The following CDH18 variants were observed in gnomAD, a reference collection of about 807,000 sequenced individuals.
CDH18 encodes cadherin 18, also known as cadherin-18.
CDH18 carries 31 observed loss-of-function variants against 67.9 expected under a neutral mutation model. The observed-to-expected ratio is 0.46, with a 90% CI of 0.34 to 0.62. The LOEUF (loss-of-function observed/expected upper bound fraction) is 0.62. Among genes scored for constraint, CDH18 ranks in the 20% least tolerant of loss-of-function variants. The pLI is 0.01. For synonymous variants in CDH18, 362 were observed against 347.2 expected (o/e 1.04, Z -0.48); for missense variants, 890 against 975.5 (o/e 0.91, Z 1.17).
intron 1 of CDH18, among the ~76,000 whole-genome samples, chr5:20,424,343 T>C (rs548080282): frequency 6.6e-6 from 1 of 151,002 alleles, no homozygotes; most frequent in Admixed American, 6.6e-5. Flanking sequence ...AACAGCACCA[T>C]CATATTATCA....
At chr5:20,347,271 C>T (rs1740778759) in intron 1 of CDH18, among the ~76,000 whole-genome samples, 1 of 152,078 alleles carries the variant, frequency 6.6e-6, no homozygotes, top group Non-Finnish European at 1.5e-5. Flanking sequence ...CAGATGGCAC[C>T]CCACATGGAC....
chr5:19,881,479 G>A (rs1214771272), intron 2 of CDH18, among the ~76,000 whole-genome samples: 2 of 149,096 alleles, frequency 1.3e-5, no homozygotes, highest in African/African-American at 4.9e-5. Flanking sequence ...TTATTCAAAC[G>A]CTGACAAATA....
intron 1 of CDH18, among the ~76,000 whole-genome samples, chr5:20,484,395 A>T (rs894824987): frequency 1.3e-5 from 2 of 152,072 alleles, no homozygotes; most frequent in South Asian, 2.1e-4. Context: ...CTAAAAATAG[A>T]GCTACTATAT....
Position 19,483,390 on chromosome 5 carries a change from C to A in CDH18, c.1793G>T (p.Arg598Leu). The change falls in exon 12 of 13, where the codon CGG (arginine) becomes CTG (leucine). Residue 598 changes from arginine (R) to leucine (L), a missense_variant. Coordinates refer to ENST00000382275, the MANE Select transcript of CDH18 (RefSeq NM_004934.5). ...VCACERDGRV[R>L]TCHAEAFLSS... ...CAGGAAGGCTTCTGCATGGCAGGTC[C>A]GCACACGCCCATCTCTCTCGCATGC... The A allele has an allele frequency of 6.2e-7, 1 of 1,614,038 alleles. No individual in the cohort carries two copies. Among genetic ancestry groups the A allele is most frequent in the Non-Finnish European group, 8.5e-7 (1 of 1,179,970 alleles).
chr5:19,707,612 C>T (rs1044600134), intron 5 of CDH18, among the ~76,000 whole-genome samples: 1 of 152,156 alleles, frequency 6.6e-6, no homozygotes, highest in African/African-American at 2.4e-5. Context: ...TTGGGAAAGG[C>T]CACTAGTTGC....
intron 2 of CDH18, among the ~76,000 whole-genome samples, chr5:19,841,368 T>A (rs1782299631): frequency 6.6e-6 from 1 of 152,096 alleles, no homozygotes; most frequent in Admixed American, 6.6e-5. Flanking sequence ...AATCACAGGT[T>A]TTATTTTTTG....
At chr5:20,093,129 T>C (rs1745587255) in intron 2 of CDH18, among the ~76,000 whole-genome samples, 1 of 152,060 alleles carries the variant, frequency 6.6e-6, no homozygotes, top group Non-Finnish European at 1.5e-5. Flanking sequence ...CCCAACAACT[T>C]GGGACGGTGA....
intron 2 of CDH18, among the ~76,000 whole-genome samples, chr5:20,184,203 A>G (rs1005614968): frequency 1.2e-4 from 19 of 152,102 alleles, no homozygotes; most frequent in African/African-American, 4.6e-4. Context: ...GAGGGCTTTA[A>G]TAAATATATT....
chr5:19,949,684 A>C (rs537109811), intron 2 of CDH18, among the ~76,000 whole-genome samples: 1 of 152,268 alleles, frequency 6.6e-6, no homozygotes, highest in South Asian at 2.1e-4. Context: ...ACAATAATTC[A>C]TTTACTTGTC....
intron 1 of CDH18, among the ~76,000 whole-genome samples, chr5:19,984,050 T>TA (rs927932813): frequency 2.6e-5 from 4 of 152,154 alleles, no homozygotes; most frequent in Admixed American, 1.3e-4. Flanking sequence ...ACTGGACTCA[T>TA]AAAAAAATCA....
chr5:20,005,331 T>C (rs1022873958), intron 2 of CDH18, among the ~76,000 whole-genome samples: 1 of 151,500 alleles, frequency 6.6e-6, no homozygotes, highest in Non-Finnish European at 1.5e-5. Context: ...CAATCAAAAA[T>C]AATGGCAAAA....
intron 5 of CDH18, among the ~76,000 whole-genome samples, chr5:19,628,792 A>C (rs1401165841): frequency 6.6e-6 from 1 of 152,174 alleles, no homozygotes; most frequent in Non-Finnish European, 1.5e-5. Context: ...TAAAGATACT[A>C]CTTAAAGCCC....
intron 5 of CDH18, among the ~76,000 whole-genome samples, chr5:19,616,328 T>C (rs1313697973): frequency 1.3e-5 from 2 of 151,912 alleles, no homozygotes; most frequent in Non-Finnish European, 2.9e-5. Flanking sequence ...ACCCAAATTT[T>C]ATGCACGAAG....
chr5:20,571,431 T>A (rs1758812938), intron 1 of CDH18, among the ~76,000 whole-genome samples: 1 of 152,098 alleles, frequency 6.6e-6, no homozygotes, highest in African/African-American at 2.4e-5. Context: ...ATATATAGCA[T>A]CGGAATTCTC....
rs916060095 is a variant in CDH18 at position 20,487,410 on chromosome 5, ATTTACT to A, written c.-580+88046_-580+88051del. ...AACCTATATATATATAGGTTTCAGG[ATTTACT>A]TTTAATCAGAGAAAAATATAATCGG... On this transcript the variant is annotated intron_variant, in intron 1 of 14. Transcript: ENST00000507958. Among the ~76,000 whole-genome samples, 113 of 149,924 alleles carry A rather than the reference ATTTACT, an allele frequency of 7.5e-4. 1 individual carries two copies. Among genetic ancestry groups the A allele is most frequent in the African/African-American group, 2.5e-3 (101 of 41,092 alleles).
At chr5:20,381,868 G>A (rs1734439212) in intron 1 of CDH18, among the ~76,000 whole-genome samples, 1 of 152,006 alleles carries the variant, frequency 6.6e-6, no homozygotes, top group Non-Finnish European at 1.5e-5. Flanking sequence ...CTAGCAGAAT[G>A]AAATTGTATC....
chr5:19,963,446 G>T (rs1797111725), intron 2 of CDH18, among the ~76,000 whole-genome samples: 1 of 152,024 alleles, frequency 6.6e-6, no homozygotes, highest in African/African-American at 2.4e-5. Context: ...CACTTGTCAT[G>T]GGAGGGATCT....
At chr5:19,988,326 T>TA (rs1377875309), upstream of CDH18, 1 of 154,610 alleles carries the variant, frequency 6.5e-6, no homozygotes, top group Non-Finnish European at 1.4e-5. Flanking sequence ...CTCCTTCCTC[T>TA]TCTCCCTGGC....
At chr5:19,809,018 G>T (rs954372748) in intron 3 of CDH18, among the ~76,000 whole-genome samples, 5 of 151,714 alleles carry the variant, frequency 3.3e-5, no homozygotes, top group African/African-American at 1.2e-4. Context: ...ATCCAGAAAG[G>T]ATATTAAAAA....
Sources: allele counts gnomAD v4.1 joint callset (sites outside exome capture counted in the v4.1 genomes callset), GRCh38; gene constraint gnomAD v4.1.1; transcripts MANE v1.5; gene names NCBI Gene and HGNC (gene_info 2026-07-23, HGNC 2026-07-21).